PRRX2: variants seen among roughly 807,000 people sequenced by gnomAD.
PRRX2 encodes the protein paired related homeobox 2.
Under a neutral mutation model 18.0 loss-of-function variants are expected in PRRX2, and 11 were observed. The observed-to-expected ratio is 0.61, with a 90% CI of 0.39 to 1.01. The LOEUF (loss-of-function observed/expected upper bound fraction) is 1.01. Ranked by LOEUF, PRRX2 falls within the 50% of genes least tolerant of loss-of-function variation. The pLI is 0.01. For synonymous variants in PRRX2, 177 were observed against 154.8 expected (o/e 1.14, Z -1.06); for missense variants, 387 against 351.0 (o/e 1.10, Z -0.82).
chr9:129,701,109 T>G (rs764194463), intron 1 of PRRX2, among the ~76,000 whole-genome samples: 2 of 152,144 alleles, frequency 1.3e-5, no homozygotes, highest in African/African-American at 4.8e-5. Flanking sequence ...GACCTAAATA[T>G]CCCACAAGAG....
intron 1 of PRRX2, among the ~76,000 whole-genome samples, chr9:129,693,699 C>T (rs1252891708): frequency 6.6e-6 from 1 of 152,142 alleles, no homozygotes. Flanking sequence ...AATATTGTCC[C>T]TATTGGAAAT....
chr9:129,710,795 G>T (rs1003238289), intron 1 of PRRX2, among the ~76,000 whole-genome samples: 9 of 152,086 alleles, frequency 5.9e-5, no homozygotes, highest in Non-Finnish European at 1.2e-4. Flanking sequence ...GCTGGGGCAG[G>T]GCTGCACTCC....
At chr9:129,682,361 C>T (rs1024037479) in intron 1 of PRRX2, among the ~76,000 whole-genome samples, 3 of 152,104 alleles carry the variant, frequency 2.0e-5, no homozygotes, top group East Asian at 3.9e-4. Context: ...TGCTATTATT[C>T]GCAACTCCTG....
In PRRX2 at chr9:129,722,206, G is replaced by A; in HGVS notation, c.627-11G>A. 2 of 1,611,706 alleles carry A rather than the reference G, an allele frequency of 1.2e-6. No individual in the cohort carries two copies. The highest frequency in any genetic ancestry group is 2.2e-5 in the South Asian group (2 of 90,902). On this transcript the variant is annotated splice_polypyrimidine_tract_variant and intron_variant, in intron 3 of 3. Transcript: ENST00000372469. ...CGCACCCATGTGACCTGTGTCTCAT[G>A]TCGCCCCCAGCACAGTGCCACCCTA...
At chr9:129,678,032 C>T (rs1329506541) in intron 1 of PRRX2, among the ~76,000 whole-genome samples, 3 of 143,756 alleles carry the variant, frequency 2.1e-5, no homozygotes, top group Non-Finnish European at 3.0e-5. Flanking sequence ...GGCGCAATCT[C>T]GGCTCGCTAC....
chr9:129,721,169 G>A (rs981559428), intron 3 of PRRX2, among the ~76,000 whole-genome samples: 1 of 152,166 alleles, frequency 6.6e-6, no homozygotes, highest in African/African-American at 2.4e-5. Flanking sequence ...CACCCTGAGG[G>A]AGTAGAAAAC....
At position 129,675,077 on chromosome 9, in the gene PRRX2, G is replaced by A. The variant is rs72770215; in HGVS notation, c.259+8951G>A. Reference sequence around the variant, plus strand: ...TACCCGAGTGGAAAGCGGTCCTCTCGAGGGGACAGAGAGGCCGGGCAGAGC... The same window carrying A: ...TACCCGAGTGGAAAGCGGTCCTCTCAAGGGGACAGAGAGGCCGGGCAGAGC... On this transcript the variant is annotated intron_variant, in intron 1 of 3. Coordinates refer to ENST00000372469, the MANE Select transcript of PRRX2 (RefSeq NM_016307.4). The surrounding 1 kb of genome is among the most constrained non-coding windows in gnomAD (Gnocchi z 4.4). 0.061 allele frequency among the ~76,000 whole-genome samples: 9,247 copies of A among 152,204 alleles called. 459 individuals are homozygous for A. The highest frequency in any genetic ancestry group is 0.18 in the East Asian group (944 of 5,156).
At chr9:129,678,478 C>T (rs1832188842) in intron 1 of PRRX2, among the ~76,000 whole-genome samples, 3 of 152,168 alleles carry the variant, frequency 2.0e-5, no homozygotes, top group African/African-American at 7.2e-5. Context: ...CACGACGGGG[C>T]CCCTACATTG....
chr9:129,684,532 A>ACACACACACCCCCCC (rs1165343797), intron 1 of PRRX2, among the ~76,000 whole-genome samples: 1 of 140,282 alleles, frequency 7.1e-6, no homozygotes. Context: ...ACCCACACAC[A>ACACACACACCCCCCC]CCCCAACAGA....
At position 129,722,545 on chromosome 9, in the gene PRRX2, G is replaced by A. The variant is rs1832808798; in HGVS notation, c.*193G>A. 9.7e-6 allele frequency: 5 copies of A among 514,352 alleles called. No homozygotes were observed. Among genetic ancestry groups the A allele is most frequent in the Non-Finnish European group, 1.5e-5 (5 of 333,662 alleles). The allele number at this position is 514,352 out of a possible 1,614,324, so 31.9% of individuals were successfully genotyped here. On this transcript the variant is annotated 3_prime_UTR_variant, in exon 4 of 4. Transcript: ENST00000372469. Reference sequence around the variant, plus strand: ...CTTCTGTCCTTGGCCACCAGAGACTGCAGCCCACAACCCTTGGAGGGGTTG... The same window carrying A: ...CTTCTGTCCTTGGCCACCAGAGACTACAGCCCACAACCCTTGGAGGGGTTG...
At chr9:129,669,322 G>A (rs988784623) in intron 1 of PRRX2, among the ~76,000 whole-genome samples, 3 of 152,262 alleles carry the variant, frequency 2.0e-5, no homozygotes, top group African/African-American at 4.8e-5. Context: ...TTCCTCGCCA[G>A]TCAAACGCTG....
intron 1 of PRRX2, among the ~76,000 whole-genome samples, chr9:129,702,100 C>G (rs978253176): frequency 2.0e-5 from 3 of 151,014 alleles, no homozygotes; most frequent in African/African-American, 7.3e-5. Context: ...AACTCCGTCT[C>G]AAAACTTTCT....
intron 1 of PRRX2, among the ~76,000 whole-genome samples, chr9:129,679,905 C>T (rs1832205910): frequency 6.6e-6 from 1 of 152,176 alleles, no homozygotes; most frequent in East Asian, 1.9e-4. Context: ...TGGCCCGGCT[C>T]TGCTGTGGAG....
intron 1 of PRRX2, among the ~76,000 whole-genome samples, chr9:129,694,376 G>A (rs1213110027): frequency 1.3e-5 from 2 of 152,186 alleles, no homozygotes; most frequent in Non-Finnish European, 1.5e-5. Context: ...GTAGAGATGG[G>A]TTTTTGCCAT....
intron 1 of PRRX2, among the ~76,000 whole-genome samples, chr9:129,678,902 C>G (rs1033399366): frequency 6.6e-6 from 1 of 152,184 alleles, no homozygotes; most frequent in African/African-American, 2.4e-5. Flanking sequence ...GCCCCAGTCT[C>G]CAAAGGAGCT....
chr9:129,697,637 G>A (rs1390684340), intron 1 of PRRX2, among the ~76,000 whole-genome samples: 2 of 151,880 alleles, frequency 1.3e-5, no homozygotes, highest in East Asian at 3.9e-4. Context: ...AGACCCGCGC[G>A]TGCGGAGGGG....
intron 1 of PRRX2, among the ~76,000 whole-genome samples, chr9:129,688,053 G>A (rs901096833): frequency 1.2e-4 from 18 of 151,826 alleles, no homozygotes; most frequent in Admixed American, 2.6e-4. Context: ...GCACCACCAC[G>A]CCTGGCTAAC....
At chr9:129,711,487 C>T in intron 1 of PRRX2, among the ~76,000 whole-genome samples, 1 of 147,090 alleles carries the variant, frequency 6.8e-6, no homozygotes, top group East Asian at 2.0e-4. Flanking sequence ...CTCACTGCAA[C>T]CTCCACCTCC....
chr9:129,700,982 G>A (rs1832487857), intron 1 of PRRX2, among the ~76,000 whole-genome samples: 1 of 152,236 alleles, frequency 6.6e-6, no homozygotes, highest in South Asian at 2.1e-4. Context: ...GTTCCTTCTG[G>A]AGAGGAGAGC....
Sources: gnomAD v4.1 joint callset for allele counts (sites outside exome capture counted in the v4.1 genomes callset) on GRCh38, gnomAD v4.1.1 for gene constraint, Gnocchi (gnomAD v3.1) non-coding constraint, MANE v1.5 for transcripts, NCBI Gene and HGNC (gene_info 2026-07-23, HGNC 2026-07-21) for gene names.